The following BMP6 variants were observed in gnomAD, a reference collection of about 807,000 sequenced individuals.
BMP6 encodes VG-1-R.
Under a neutral mutation model 54.1 loss-of-function variants are expected in BMP6, and 17 were observed. The observed-to-expected ratio is 0.31, with a 90% CI of 0.22 to 0.47. The LOEUF is 0.47. Ranked by LOEUF, BMP6 falls within the 20% of genes least tolerant of loss-of-function variation. The pLI, the probability that BMP6 is intolerant of heterozygous loss-of-function variation, is 1.00. For missense variants in BMP6, 720 were observed against 690.4 expected (o/e 1.04, Z -0.48); for synonymous variants, 328 against 291.2 (o/e 1.13, Z -1.28).
intron 4 of BMP6, among the ~76,000 whole-genome samples, chr6:7,872,814 CTTT>C (rs55666956): frequency 3.0e-5 from 4 of 133,818 alleles, no homozygotes; most frequent in Non-Finnish European, 1.6e-5. Flanking sequence ...CTTTTTTTTT[CTTT>C]TTTTTTTTTT....
intron 1 of BMP6, among the ~76,000 whole-genome samples, chr6:7,768,168 C>T (rs964421598): frequency 5.3e-5 from 8 of 152,260 alleles, no homozygotes; most frequent in African/African-American, 1.7e-4. Flanking sequence ...TTAAGAAGAA[C>T]GGAGTGCTCT....
intron 1 of BMP6, among the ~76,000 whole-genome samples, chr6:7,737,185 CAA>C (rs557010949): frequency 7.2e-6 from 1 of 139,184 alleles, no homozygotes; most frequent in African/African-American, 2.6e-5. Context: ...GACTCCATCT[CAA>C]AAAAAAAAAA....
At position 7,727,165 on chromosome 6, in the gene BMP6, G is replaced by A. The variant is rs1263118058; in HGVS notation, c.210G>A (p.Arg70=). Residue 70 remains arginine, a synonymous_variant, in exon 1 of 7, where the codon CGG becomes CGA. Coordinates refer to ENST00000283147, the MANE Select transcript of BMP6 (RefSeq NM_001718.6). ...PQSSSGFLYR[R]LKTQEKREMQ... ...CCTCCTCGGGCTTCCTGTACCGGCG[G>A]CTCAAGACGCAGGAGAAGCGGGAGA... 1.9e-6 allele frequency: 3 copies of A among 1,592,442 alleles called. No individual in the cohort carries two copies. Among genetic ancestry groups the A allele is most frequent in the Non-Finnish European group, 2.6e-6 (3 of 1,170,760 alleles).
At position 7,727,487 on chromosome 6, in the gene BMP6, G is replaced by A. The variant is rs780019606; in HGVS notation, c.532G>A (p.Ala178Thr). Residue 178 changes from alanine to threonine, a missense_variant, in exon 1 of 7, where the codon GCC becomes ACC. Physicochemically the swap from Ala to Thr is moderately conservative, Grantham distance 58 (BLOSUM62 0). Coordinates refer to ENST00000283147, the MANE Select transcript of BMP6 (RefSeq NM_001718.6). The stretch of plus-strand genomic sequence containing the variant: ...CCAGCGTCGGCAGCCGCCCCCGGGC[G>A]CCGCGCACCCGCTCAACCGCAAGAG... ...SSQRRQPPPG[A>T]AHPLNRKSLL... is the part of the protein sequence containing the mutation. 6.3e-7 allele frequency: 1 copy of A among 1,594,220 alleles called. No homozygotes were observed. Among genetic ancestry groups the A allele is most frequent in the Non-Finnish European group, 8.5e-7 (1 of 1,175,536 alleles).
intron 1 of BMP6, among the ~76,000 whole-genome samples, chr6:7,729,264 T>C (rs1761807604): frequency 6.6e-6 from 1 of 152,218 alleles, no homozygotes; most frequent in South Asian, 2.1e-4. Context: ...TTCTGCTGCT[T>C]CTGACTTAGT....
chr6:7,741,168 C>T (rs4143048), intron 1 of BMP6, among the ~76,000 whole-genome samples: 16,197 of 152,220 alleles, frequency 0.11, 1,050 homozygotes, highest in East Asian at 0.3. Context: ...AATGCCATCT[C>T]GTTAAGAAAG....
At chr6:7,732,232 TG>T (rs79547581) in intron 1 of BMP6, among the ~76,000 whole-genome samples, 17,976 of 152,178 alleles carry the variant, frequency 0.12, 1,299 homozygotes, top group East Asian at 0.17. Context: ...AAAAACAGTT[TG>T]GAGAATTTGG....
intron 1 of BMP6, among the ~76,000 whole-genome samples, chr6:7,768,599 T>C (rs1430283542): frequency 1.3e-5 from 2 of 152,192 alleles, no homozygotes; most frequent in Non-Finnish European, 2.9e-5. Context: ...TCAACATATG[T>C]GTTCACCATT....
intron 4 of BMP6, among the ~76,000 whole-genome samples, chr6:7,869,137 C>T (rs779502802): frequency 2.0e-4 from 30 of 152,204 alleles, no homozygotes; most frequent in Non-Finnish European, 3.1e-4. Context: ...GCAGCAGCTG[C>T]GTGGTGGCCC....
intron 4 of BMP6, among the ~76,000 whole-genome samples, chr6:7,870,638 A>G (rs1011673595): frequency 2.0e-5 from 3 of 151,608 alleles, no homozygotes; most frequent in Non-Finnish European, 4.4e-5. Context: ...AACAACAACA[A>G]CAACAAAAAA....
rs1438683824 is a variant in BMP6 at position 7,727,227 on chromosome 6, ACCGGCC to A, written c.281_286del (p.Arg94_Pro95del). 7 of 1,605,686 alleles carry A rather than the reference ACCGGCC, an allele frequency of 4.4e-6. No homozygotes were observed. Among genetic ancestry groups the A allele is most frequent in the Admixed American group, 1.7e-5 (1 of 59,330 alleles). ...ATCTTGTCGGTGCTGGGGCTCCCGC[ACCGGCC>A]CCGGCCCCTGCACGGCCTCCAACAG... On this transcript the variant is annotated inframe_deletion, in exon 1 of 7. Coordinates refer to ENST00000283147, the MANE Select transcript of BMP6 (RefSeq NM_001718.6).
intron 1 of BMP6, among the ~76,000 whole-genome samples, chr6:7,809,508 G>C (rs896381447): frequency 6.6e-6 from 1 of 152,102 alleles, no homozygotes; most frequent in East Asian, 1.9e-4. Context: ...TTTCCTGTGT[G>C]TGGCTATGTA....
At chr6:7,860,314 C>T (rs1759314829) in intron 2 of BMP6, among the ~76,000 whole-genome samples, 4 of 152,204 alleles carry the variant, frequency 2.6e-5, no homozygotes, top group Admixed American at 2.0e-4. Flanking sequence ...GTTTTTCTAT[C>T]TCTGTAAGAT....
At chr6:7,777,170 C>G (rs1291378584) in intron 1 of BMP6, among the ~76,000 whole-genome samples, 4 of 152,192 alleles carry the variant, frequency 2.6e-5, no homozygotes, top group Non-Finnish European at 5.9e-5. Flanking sequence ...ATCCTTGGAA[C>G]TGGCAGGTGC....
At chr6:7,876,299 T>C (rs1213465440) in intron 4 of BMP6, among the ~76,000 whole-genome samples, 1 of 152,244 alleles carries the variant, frequency 6.6e-6, no homozygotes, top group East Asian at 1.9e-4. Context: ...ATTTATGTGT[T>C]TGATATAATT....
intron 1 of BMP6, among the ~76,000 whole-genome samples, chr6:7,762,824 G>T (rs2113143714): frequency 6.6e-6 from 1 of 152,332 alleles, no homozygotes; most frequent in Non-Finnish European, 1.5e-5. Flanking sequence ...TTCTCCAGGG[G>T]ATAGGAGTAT....
intron 1 of BMP6, among the ~76,000 whole-genome samples, chr6:7,790,808 GC>G (rs1561772960): frequency 6.6e-6 from 1 of 152,104 alleles, no homozygotes; most frequent in African/African-American, 2.4e-5. Context: ...ACTCCTTCTT[GC>G]AGGTCTGTCC....
intron 1 of BMP6, among the ~76,000 whole-genome samples, chr6:7,833,402 G>C (rs952304149): frequency 1.2e-4 from 19 of 152,172 alleles, no homozygotes; most frequent in Non-Finnish European, 2.4e-4. Context: ...AGGGTGGCAG[G>C]GTAGACAGAG....
chr6:7,836,514 T>G (rs1303551903), intron 1 of BMP6, among the ~76,000 whole-genome samples: 5 of 152,238 alleles, frequency 3.3e-5, no homozygotes, highest in East Asian at 3.9e-4. Context: ...AATGTCAGTT[T>G]CCTGGTTTTG....
Sources: gnomAD v4.1 joint callset for allele counts (sites outside exome capture counted in the v4.1 genomes callset) on GRCh38, gnomAD v4.1.1 for gene constraint, MANE v1.5 for transcripts, NCBI Gene and HGNC (gene_info 2026-07-23, HGNC 2026-07-21) for gene names.